Variants in FSTL4 observed in about 807,000 individuals in gnomAD.
FSTL4 encodes follistatin-related protein 4.
Under a neutral mutation model 78.2 loss-of-function variants are expected in FSTL4, and 28 were observed. That is an observed-to-expected ratio of 0.36 (90% CI 0.27 to 0.49). The LOEUF (loss-of-function observed/expected upper bound fraction) is 0.49, where lower values mean the gene tolerates loss of function less well. Among genes scored for constraint, FSTL4 ranks in the 20% least tolerant of loss-of-function variants. The pLI is 0.98. For missense variants in FSTL4, 922 were observed against 1,084.9 expected (o/e 0.85, Z 2.11); for synonymous variants, 422 against 440.5 (o/e 0.96, Z 0.53).
the FSTL4 span, among the ~76,000 whole-genome samples, chr5:133,785,632 G>A: frequency 6.6e-6 from 1 of 152,174 alleles, no homozygotes; most frequent in African/African-American, 2.4e-5. Flanking sequence ...GAGGAAGAAG[G>A]TGCCATCTTC....
chr5:133,594,496 A>G (rs1341553584), intron 2 of FSTL4, among the ~76,000 whole-genome samples: 1 of 152,230 alleles, frequency 6.6e-6, no homozygotes, highest in Non-Finnish European at 1.5e-5. Context: ...CCCGGCCAGA[A>G]GCCTGCTCTT....
At chr5:133,235,853 T>C (rs1479144758) in intron 7 of FSTL4, among the ~76,000 whole-genome samples, 2 of 152,238 alleles carry the variant, frequency 1.3e-5, no homozygotes, top group Non-Finnish European at 2.9e-5. Flanking sequence ...GAAAAGTTAA[T>C]GACTAGTCAA....
chr5:133,830,006 T>TG, the FSTL4 span, among the ~76,000 whole-genome samples: 9 of 152,108 alleles, frequency 5.9e-5, no homozygotes, highest in African/African-American at 2.2e-4. Context: ...CAGCCAAGGT[T>TG]GGCCTGGATG....
chr5:133,570,445 C>T (rs1760131013), intron 2 of FSTL4, among the ~76,000 whole-genome samples: 1 of 152,094 alleles, frequency 6.6e-6, no homozygotes, highest in Non-Finnish European at 1.5e-5. Flanking sequence ...GCCTTAGCCT[C>T]CCAGTTCTTC....
chr5:133,806,952 G>T, the FSTL4 span, among the ~76,000 whole-genome samples: 9 of 152,202 alleles, frequency 5.9e-5, no homozygotes, highest in Non-Finnish European at 1.3e-4. Context: ...CCATAATCAT[G>T]ACTGAAAGGA....
At chr5:133,793,321 G>C in the FSTL4 span, among the ~76,000 whole-genome samples, 1 of 152,208 alleles carries the variant, frequency 6.6e-6, no homozygotes, top group Non-Finnish European at 1.5e-5. Flanking sequence ...CCCCGCCATG[G>C]GCACATCCCC....
chr5:133,550,526 T>C (rs1018089062), intron 3 of FSTL4, among the ~76,000 whole-genome samples: 1 of 152,288 alleles, frequency 6.6e-6, no homozygotes, highest in South Asian at 2.1e-4. Flanking sequence ...CAATGATGGC[T>C]AATATAGAGC....
the FSTL4 span, among the ~76,000 whole-genome samples, chr5:133,732,052 C>T: frequency 6.6e-6 from 1 of 152,172 alleles, no homozygotes; most frequent in Non-Finnish European, 1.5e-5. Flanking sequence ...AACCTGTGTG[C>T]TTCCCACCGG....
chr5:133,310,527 A>G (rs1753755046), intron 6 of FSTL4, among the ~76,000 whole-genome samples: 2 of 152,182 alleles, frequency 1.3e-5, no homozygotes, highest in African/African-American at 4.8e-5. Context: ...AGCCAAGAGC[A>G]TGCTGTTTGG....
intron 2 of FSTL4, among the ~76,000 whole-genome samples, chr5:133,602,878 C>A (rs1760902567): frequency 6.6e-6 from 1 of 152,168 alleles, no homozygotes; most frequent in Non-Finnish European, 1.5e-5. Context: ...GTCTTTTGAT[C>A]AAATAATGCA....
intron 6 of FSTL4, among the ~76,000 whole-genome samples, chr5:133,289,891 G>A (rs1053403163): frequency 6.6e-5 from 10 of 152,234 alleles, no homozygotes; most frequent in African/African-American, 2.4e-4. Flanking sequence ...ACGAGAAACA[G>A]AAATGAAGCA....
chr5:133,226,931 G>C (rs567584343), intron 8 of FSTL4, among the ~76,000 whole-genome samples: 1 of 152,250 alleles, frequency 6.6e-6, no homozygotes, highest in African/African-American at 2.4e-5. Context: ...GGTGGGCAGA[G>C]GATAAAAGAA....
chr5:133,787,532 C>T, the FSTL4 span, among the ~76,000 whole-genome samples: 4 of 152,188 alleles, frequency 2.6e-5, no homozygotes, highest in African/African-American at 9.7e-5. Context: ...GGAAGAAGAG[C>T]AAAGACAGGA....
At chr5:133,272,989 C>A (rs59244391) in intron 6 of FSTL4, among the ~76,000 whole-genome samples, 5,858 of 152,356 alleles carry the variant, frequency 0.038, 356 homozygotes, top group African/African-American at 0.13. Flanking sequence ...GGTTTGCCAT[C>A]CCCTGCAGGA....
intron 4 of FSTL4, among the ~76,000 whole-genome samples, chr5:133,337,437 C>T (rs1176627856): frequency 3.3e-5 from 5 of 152,136 alleles, no homozygotes; most frequent in South Asian, 2.1e-4. Context: ...GGTGCATTAG[C>T]GCTGAATTGG....
At chr5:133,330,157 G>C (rs1754309512) in intron 4 of FSTL4, among the ~76,000 whole-genome samples, 2 of 152,164 alleles carry the variant, frequency 1.3e-5, no homozygotes, top group South Asian at 4.1e-4. Flanking sequence ...AGTGCAGCTG[G>C]TGCCCAGATA....
In FSTL4 at chr5:133,196,686, G is replaced by C. The variant is rs548655064; in HGVS notation, c.*2409C>G. 1 of 152,368 alleles carries C rather than the reference G, an allele frequency of 6.6e-6. No homozygotes were observed. The highest frequency in any genetic ancestry group is 2.4e-5 in the African/African-American group (1 of 41,574). The allele number at this position is 152,368 out of a possible 1,614,324, so 9.4% of individuals were successfully genotyped here. A position where few individuals can be genotyped will look rare whatever the true frequency, so the allele number is the denominator to read the frequency against. The stretch of plus-strand genomic sequence containing the variant: ...AACTGTGTCCCATGAACCTCTGCTG[G>C]GGTGAAGTATGGGAGAAAGGGCAGG... On this transcript the variant is annotated 3_prime_UTR_variant, in exon 16 of 16. Coordinates refer to ENST00000265342, the MANE Select transcript of FSTL4 (RefSeq NM_015082.2).
At chr5:133,512,349 T>C (rs1758752670) in intron 3 of FSTL4, among the ~76,000 whole-genome samples, 1 of 152,222 alleles carries the variant, frequency 6.6e-6, no homozygotes. Flanking sequence ...GTGCTGCAGA[T>C]TCCCAAATGA....
intron 4 of FSTL4, chr5:133,387,927 A>G (rs700713): frequency 0.87 from 132,798 of 152,234 alleles, 58,017 homozygotes; most frequent in Admixed American, 0.9. Context: ...AGTCTCCCAG[A>G]TCACCTGGGA....
Sources: allele counts gnomAD v4.1 joint callset (sites outside exome capture counted in the v4.1 genomes callset), GRCh38; gene constraint gnomAD v4.1.1; transcripts MANE v1.5; gene names NCBI Gene and HGNC (gene_info 2026-07-23, HGNC 2026-07-21).